Variants in GDAP2 observed in about 807,000 individuals in gnomAD.
The protein encoded by GDAP2 is ganglioside-induced differentiation-associated protein 2.
In GDAP2, 51 loss-of-function variants were observed where a neutral mutation model predicts 67.0. That is an observed-to-expected ratio of 0.76 (90% confidence interval 0.61 to 0.96). GDAP2 has a LOEUF of 0.96. Ranked by LOEUF, GDAP2 falls within the 40% of genes least tolerant of loss-of-function variation. GDAP2 has a pLI of 0.00. For missense variants in GDAP2, 547 were observed against 588.3 expected, an observed-to-expected ratio of 0.93 and a Z score of 0.73; for synonymous variants, 203 against 207.3, an observed-to-expected ratio of 0.98 and a Z score of 0.18.
In GDAP2 at chr1:117,906,558, A is replaced by T; in HGVS notation, c.584T>A (p.Ile195Asn). The T allele has an allele frequency of 6.4e-7, 1 of 1,566,522 alleles. No homozygotes were observed. ...TACTTTTTCAATGGTTTCCCCATGA[A>T]TCTCTAGGAATCTTCTTACAGTGCC... ...ALRTVRRFLEIHGETIEKVVF... is the reference protein window; with the variant it reads ...ALRTVRRFLENHGETIEKVVF... The change falls in exon 6 of 14, where the codon ATT (isoleucine) becomes AAT (asparagine). Residue 195 changes from isoleucine (I) to asparagine (N), a missense_variant. Coordinates refer to ENST00000369443, the MANE Select transcript of GDAP2 (RefSeq NM_017686.4).
chr1:117,876,917 T>A (rs1247858723), intron 13 of GDAP2, among the ~76,000 whole-genome samples: 1 of 152,204 alleles, frequency 6.6e-6, no homozygotes, highest in Non-Finnish European at 1.5e-5. Flanking sequence ...TGTTGCTTAG[T>A]GCCTTTCACA....
rs1205355593 is a variant in GDAP2, at chr1:117,864,876, G to C, written c.*5693C>G. On this transcript the variant is annotated 3_prime_UTR_variant, in exon 14 of 14. Coordinates refer to ENST00000369443, the MANE Select transcript of GDAP2 (RefSeq NM_017686.4). ...CAGGATTTGTAAGAGCATTAGAAGA[G>C]ACGATGAACGTTAGAGTGCCTGGAC... 2 of 152,174 alleles carry C rather than the reference G, an allele frequency of 1.3e-5. No individual in the cohort carries two copies. The highest frequency in any genetic ancestry group is 4.8e-5 in the African/African-American group (2 of 41,448). 9.4% of individuals were successfully genotyped at this position (152,174 alleles called of 1,614,324 possible).
At chr1:117,916,772 G>A (rs1400561977) in intron 3 of GDAP2, among the ~76,000 whole-genome samples, 2 of 152,154 alleles carry the variant, frequency 1.3e-5, no homozygotes, top group African/African-American at 4.8e-5. Context: ...GGTGGCTTAC[G>A]CCTGTAATCC....
intron 13 of GDAP2, 41 bp from the exon 14 acceptor site, chr1:117,870,657 A>C: frequency 8.0e-7 from 1 of 1,256,960 alleles, no homozygotes; most frequent in Non-Finnish European, 1.2e-6. Flanking sequence ...AAGTAACAGA[A>C]CCAATTTAAC....
chr1:117,910,401 G>T (rs1649811197), intron 5 of GDAP2, among the ~76,000 whole-genome samples: 1 of 151,996 alleles, frequency 6.6e-6, no homozygotes, highest in Non-Finnish European at 1.5e-5. Flanking sequence ...TAAGATCCCT[G>T]CCCCTCAAGC....
chr1:117,865,666 A>G lies in GDAP2; in HGVS notation c.*4903T>C, dbSNP rs1210939776. The G allele has an allele frequency of 1.3e-5, 2 of 152,214 alleles. No individual in the cohort carries two copies. Among genetic ancestry groups the G allele is most frequent in the Non-Finnish European group, 2.9e-5 (2 of 68,036 alleles). The allele number at this position is 152,214 out of a possible 1,614,324, so 9.4% of individuals were successfully genotyped here. A position where few individuals can be genotyped will look rare whatever the true frequency, so the allele number is the denominator to read the frequency against. On this transcript the variant is annotated 3_prime_UTR_variant, in exon 14 of 14. Transcript: ENST00000369443. ...CTGTCCAACAAAAGTATCAGATCAC[A>G]TTCTGCAGTTGTGATTTTGTTAGTG...
chr1:117,921,970 T>C (rs779617255), intron 1 of GDAP2, among the ~76,000 whole-genome samples: 5 of 152,106 alleles, frequency 3.3e-5, no homozygotes, highest in Non-Finnish European at 7.4e-5. Context: ...GCTTACACAA[T>C]TGAGTAAATG....
At chr1:117,885,153 T>G (rs1648806490) in intron 10 of GDAP2, among the ~76,000 whole-genome samples, 1 of 152,168 alleles carries the variant, frequency 6.6e-6, no homozygotes, top group Non-Finnish European at 1.5e-5. Flanking sequence ...CTACCACACC[T>G]GGCTGTGTGC....
chr1:117,880,648 C>T (rs546570352), intron 12 of GDAP2, among the ~76,000 whole-genome samples: 1 of 152,302 alleles, frequency 6.6e-6, no homozygotes, highest in East Asian at 1.9e-4. Flanking sequence ...AATGGAAATA[C>T]ACTCTGTAGT....
intron 1 of GDAP2, among the ~76,000 whole-genome samples, chr1:117,926,418 C>G (rs1231710727): frequency 6.6e-6 from 1 of 152,092 alleles, no homozygotes; most frequent in African/African-American, 2.4e-5. Context: ...TAATTGTGAC[C>G]CACAAGATAT....
At chr1:117,920,929 T>C (rs944211594) in intron 1 of GDAP2, among the ~76,000 whole-genome samples, 2 of 152,066 alleles carry the variant, frequency 1.3e-5, no homozygotes, top group African/African-American at 4.8e-5. Flanking sequence ...AGGCAAACAT[T>C]TAAGAGGCAA....
intron 10 of GDAP2, among the ~76,000 whole-genome samples, chr1:117,885,331 A>G (rs1648814237): frequency 6.6e-6 from 1 of 152,170 alleles, no homozygotes; most frequent in Non-Finnish European, 1.5e-5. Flanking sequence ...ATCACTATAT[A>G]TGACGAAAAA....
chr1:117,910,445 A>G (rs181171039), intron 5 of GDAP2, among the ~76,000 whole-genome samples: 1 of 152,300 alleles, frequency 6.6e-6, no homozygotes, highest in Non-Finnish European at 1.5e-5. Context: ...GCTTAATTAT[A>G]AAATATACAA....
At chr1:117,906,709 T>C (rs972415032) in intron 5 of GDAP2, 127 bp from the exon 6 acceptor site, 3 of 596,464 alleles carry the variant, frequency 5.0e-6, no homozygotes, top group Non-Finnish European at 8.8e-6. Context: ...CTCTGCTTAG[T>C]AATACCCTAT....
chr1:117,907,141 T>C (rs984177626), intron 5 of GDAP2, among the ~76,000 whole-genome samples: 13 of 152,218 alleles, frequency 8.5e-5, no homozygotes, highest in African/African-American at 3.1e-4. Context: ...AATTCTTCTT[T>C]ATCAACTTCT....
chr1:117,928,524 A>C (rs1571002887), intron 1 of GDAP2, among the ~76,000 whole-genome samples: 2 of 152,084 alleles, frequency 1.3e-5, no homozygotes, highest in Admixed American at 1.3e-4. Flanking sequence ...TGTGGCCACA[A>C]TTTCTTCCCT....
chr1:117,913,092 T>C (rs1649917323), intron 3 of GDAP2, among the ~76,000 whole-genome samples: 1 of 152,240 alleles, frequency 6.6e-6, no homozygotes, highest in Non-Finnish European at 1.5e-5. Flanking sequence ...CCTGAGTTCC[T>C]GTCAAGACAC....
intron 13 of GDAP2, among the ~76,000 whole-genome samples, chr1:117,873,248 C>T (rs1024938344): frequency 6.6e-6 from 1 of 152,072 alleles, no homozygotes; most frequent in Admixed American, 6.6e-5. Context: ...TTTAAGAATG[C>T]CAATAACTCT....
intron 5 of GDAP2, 77 bp downstream of exon 5, chr1:117,911,917 A>C: frequency 1.0e-5 from 8 of 779,744 alleles, no homozygotes; most frequent in Non-Finnish European, 1.1e-5. Flanking sequence ...CTGGAATTAC[A>C]GGTATAAGCC....
Sources: gnomAD v4.1 joint callset for allele counts (sites outside exome capture counted in the v4.1 genomes callset) on GRCh38, gnomAD v4.1.1 for gene constraint, MANE v1.5 for transcripts, NCBI Gene and HGNC (gene_info 2026-07-23, HGNC 2026-07-21) for gene names.